NUP155: variants seen among roughly 807,000 people sequenced by gnomAD.
NUP155 encodes the protein nuclear pore complex protein Nup155.
A neutral mutation model predicts 180.4 loss-of-function variants in NUP155; 71 were observed. The observed-to-expected ratio is 0.39, with a 90% CI of 0.33 to 0.48. The LOEUF is 0.48. Ranked by LOEUF, NUP155 falls within the 20% of genes least tolerant of loss-of-function variation. NUP155 has a pLI of 0.91. For synonymous variants in NUP155, 582 were observed against 559.5 expected, an observed-to-expected ratio of 1.04 and a Z score of -0.57; for missense variants, 1,553 against 1,648.9, an observed-to-expected ratio of 0.94 and a Z score of 1.01.
intron 33 of NUP155, among the ~76,000 whole-genome samples, chr5:37,293,817 G>A (rs1742360836): frequency 1.1e-5 from 1 of 91,712 alleles, no homozygotes; most frequent in Non-Finnish European, 1.8e-5. Flanking sequence ...GGCTAACAAG[G>A]TGAAACCCCG....
At chr5:37,369,937 G>T (rs1747850563) in intron 1 of NUP155, among the ~76,000 whole-genome samples, 1 of 152,140 alleles carries the variant, frequency 6.6e-6, no homozygotes, top group African/African-American at 2.4e-5. Flanking sequence ...TTACTTTCCA[G>T]TCACCTATAT....
chr5:37,341,029 C>T (rs1581184587), intron 11 of NUP155, 61 bp downstream of exon 11: 2 of 1,348,660 alleles, frequency 1.5e-6, no homozygotes, highest in Admixed American at 1.8e-5. Flanking sequence ...CTTCACAACA[C>T]CATATAATTT....
chr5:37,358,114 T>C lies in NUP155; in HGVS notation c.430A>G (p.Ile144Val). The C allele has an allele frequency of 6.2e-7, 1 of 1,613,426 alleles. No individual in the cohort carries two copies. ...GGCTTCACAAGCCCCACAGCAAGAATAGTCTCACTAAGTCCATCAAAATAG... is the reference window on the plus strand; with the variant it reads ...GGCTTCACAAGCCCCACAGCAAGAACAGTCTCACTAAGTCCATCAAAATAG... ...LAYFDGLSET[I>V]LAVGLVKPKA... is the part of the protein sequence containing the mutation. The change falls in exon 4 of 35, where the codon ATT becomes GTT. Residue 144 changes from isoleucine (I) to valine (V), a missense_variant. Transcript: ENST00000231498.
At position 37,371,084 on chromosome 5, in the gene NUP155, A is replaced by T; in HGVS notation, c.-107T>A. 1 of 1,183,410 alleles carries T rather than the reference A, an allele frequency of 8.5e-7. No homozygotes were observed. Among genetic ancestry groups the T allele is most frequent in the Non-Finnish European group, 1.2e-6 (1 of 822,822 alleles). The allele number at this position is 1,183,410 out of a possible 1,614,324, so 73.3% of individuals were successfully genotyped here. On this transcript the variant is annotated 5_prime_UTR_variant, in exon 1 of 35. The change creates a new upstream start codon in the 5' untranslated region. Transcript: ENST00000231498. ...TCCGCCGCCTAGGGCGCGCGCGCCA[A>T]ACGAGCGCCTTGGCGCCTCGACATG...
At chr5:37,364,607 G>A (rs1178791441) in intron 1 of NUP155, among the ~76,000 whole-genome samples, 2 of 150,474 alleles carry the variant, frequency 1.3e-5, no homozygotes, top group African/African-American at 4.9e-5. Context: ...CAAAAAACTT[G>A]CTCTGTAACA....
intron 20 of NUP155, among the ~76,000 whole-genome samples, chr5:37,321,517 G>A (rs1021698734): frequency 2.0e-5 from 3 of 152,110 alleles, no homozygotes; most frequent in Non-Finnish European, 4.4e-5. Flanking sequence ...AAGAGATCGA[G>A]ACCATCCTGG....
intron 23 of NUP155, chr5:37,309,713 T>G (rs1326340443): frequency 5.6e-6 from 1 of 179,470 alleles, no homozygotes; most frequent in East Asian, 1.5e-4. Context: ...GTGATTTTTC[T>G]TAATTTCTCA....
Position 37,350,179 on chromosome 5 carries a change from T to C in NUP155, c.810A>G (p.Gln270=). 3 of 1,613,562 alleles carry C rather than the reference T, an allele frequency of 1.9e-6. No homozygotes were observed. The highest frequency in any genetic ancestry group is 2.5e-6 in the Non-Finnish European group (3 of 1,179,584). The part of the protein sequence containing the change: ...SLSFLVPSLL[Q]FTFSEDDPIL... The stretch of plus-strand genomic sequence containing the variant: ...ACTTACCATCTTCTGAGAACGTGAA[T>C]TGTAGCAAGGAAGGAACAAGGAAAG... The change falls in exon 7 of 35, where the codon CAA becomes CAG. Residue 270 remains glutamine (Q), a synonymous_variant. Coordinates refer to ENST00000231498, the MANE Select transcript of NUP155 (RefSeq NM_153485.3).
At chr5:37,326,625 T>C (rs1744615216) in intron 18 of NUP155, among the ~76,000 whole-genome samples, 1 of 152,190 alleles carries the variant, frequency 6.6e-6, no homozygotes, top group Admixed American at 6.6e-5. Context: ...AGAAACCATG[T>C]AGAGAACAAC....
In NUP155 at chr5:37,330,043, G is replaced by T; in HGVS notation, c.1719C>A (p.Phe573Leu). ...CAAGAAAAACTTTCACATACCTAAAGAAAGCCCGAGTAGCCCAGGCAGATA... is the reference window on the plus strand; with the variant it reads ...CAAGAAAAACTTTCACATACCTAAATAAAGCCCGAGTAGCCCAGGCAGATA... ...REVSAWATRAFFRYGGEAQMR... is the reference protein window; with the variant it reads ...REVSAWATRALFRYGGEAQMR... Residue 573 changes from phenylalanine to leucine, a missense_variant, in exon 15 of 35, where the codon TTC (phenylalanine) becomes TTA (leucine). Transcript: ENST00000231498. 6.2e-7 allele frequency: 1 copy of T among 1,611,386 alleles called. No homozygotes were observed.
intron 3 of NUP155, among the ~76,000 whole-genome samples, chr5:37,362,999 A>G (rs1335926310): frequency 2.0e-5 from 3 of 152,078 alleles, no homozygotes; most frequent in African/African-American, 7.2e-5. Context: ...TGCAACCTCC[A>G]TCTCCCAGGT....
chr5:37,339,984 A>G (rs1030901334), intron 11 of NUP155, among the ~76,000 whole-genome samples: 1 of 152,036 alleles, frequency 6.6e-6, no homozygotes, highest in African/African-American at 2.4e-5. Flanking sequence ...CTGGTCTTGA[A>G]CTGATCTCAA....
chr5:37,303,211 T>C, intron 28 of NUP155, 49 bp downstream of exon 28: 3 of 1,600,388 alleles, frequency 1.9e-6, no homozygotes, highest in Non-Finnish European at 2.6e-6. Flanking sequence ...TGTAAGTACA[T>C]ATAGCTCAGT....
At chr5:37,302,575 TA>T (rs1429012854) in intron 29 of NUP155, among the ~76,000 whole-genome samples, 2 of 152,228 alleles carry the variant, frequency 1.3e-5, no homozygotes, top group African/African-American at 4.8e-5. Flanking sequence ...ACTTCTAAAT[TA>T]TAGCAATGTT....
intron 20 of NUP155, among the ~76,000 whole-genome samples, chr5:37,318,358 G>A (rs996866682): frequency 6.6e-6 from 1 of 151,892 alleles, no homozygotes; most frequent in Admixed American, 6.6e-5. Flanking sequence ...AGTAAAAAGA[G>A]GGGGTAAAGG....
chr5:37,363,647 G>T (rs572510903), intron 3 of NUP155, among the ~76,000 whole-genome samples: 1 of 152,230 alleles, frequency 6.6e-6, no homozygotes, highest in East Asian at 1.9e-4. Context: ...CTCAAGAATG[G>T]CACCTAAACC....
In NUP155 at chr5:37,359,775, C is replaced by T. The variant is rs567908618; in HGVS notation, c.393-1624G>A. Among the ~76,000 whole-genome samples, 8 of 152,168 alleles carry T rather than the reference C, an allele frequency of 5.3e-5. No homozygotes were observed. In the East Asian group the frequency reaches 1.5e-3, roughly 29 times the overall value. ...ATAGAACCAGACTCAGCTATGAATC[C>T]AAACTATCAGACAAGAAATGTAAAG... is the stretch of plus-strand genomic sequence containing the variant. On this transcript the variant is annotated intron_variant, in intron 3 of 34. Transcript: ENST00000231498.
At chr5:37,329,351 T>C (rs1402317799) in intron 15 of NUP155, 73 bp from the exon 16 acceptor site, 1 of 1,207,520 alleles carries the variant, frequency 8.3e-7, no homozygotes, top group African/African-American at 1.5e-5. Context: ...AATTGTTCCT[T>C]TTCCTGTTTA....
At chr5:37,298,237 C>CAA (rs11390520) in intron 32 of NUP155, among the ~76,000 whole-genome samples, 15 of 100,582 alleles carry the variant, frequency 1.5e-4, no homozygotes, top group African/African-American at 4.0e-4. Flanking sequence ...GCCTCTGTCT[C>CAA]AAAAAAAAAA....
Sources: allele counts gnomAD v4.1 joint callset (sites outside exome capture counted in the v4.1 genomes callset), GRCh38; gene constraint gnomAD v4.1.1; transcripts MANE v1.5; gene names NCBI Gene and HGNC (gene_info 2026-07-23, HGNC 2026-07-21).